DIS3L2: variants seen among roughly 807,000 people sequenced by gnomAD.
DIS3L2 encodes DIS3 like 3'-5' exoribonuclease 2, also known as DIS3-like exonuclease 2.
In DIS3L2, 34 loss-of-function variants were observed where a neutral mutation model predicts 97.5. That is an observed-to-expected ratio of 0.35 (90% CI 0.27 to 0.46). The LOEUF (loss-of-function observed/expected upper bound fraction) is 0.46, where lower values mean the gene tolerates loss of function less well. Ranked by LOEUF, DIS3L2 falls within the 20% of genes least tolerant of loss-of-function variation. DIS3L2 has a pLI of 1.00. For missense variants in DIS3L2, 1,038 were observed against 1,146.0 expected, an observed-to-expected ratio of 0.91 and a Z score of 1.36; for synonymous variants, 435 against 445.2, an observed-to-expected ratio of 0.98 and a Z score of 0.29.
At chr2:232,197,146 G>C (rs1691777556) in intron 9 of DIS3L2, among the ~76,000 whole-genome samples, 1 of 152,130 alleles carries the variant, frequency 6.6e-6, no homozygotes, top group Non-Finnish European at 1.5e-5. Flanking sequence ...TAGAAATCTA[G>C]GAGAGATGTC....
chr2:232,203,267 T>G (rs951152851), intron 9 of DIS3L2, among the ~76,000 whole-genome samples: 3 of 152,148 alleles, frequency 2.0e-5, no homozygotes, highest in African/African-American at 7.2e-5. Flanking sequence ...CCAGAATTGC[T>G]TGCTAGCACG....
rs1694646305 is a variant in DIS3L2, at chr2:232,293,216, TGA to T, written c.1660-6820_1660-6819del. On this transcript the variant is annotated intron_variant, in intron 13 of 20. Transcript: ENST00000325385. This position sits in a 1 kb window ranked among gnomAD's most constrained non-coding sequence, Gnocchi z 4.6. ...TGACAAGATGGCAACACCTGAACAC[TGA>T]GAGTGTCTGAGCCACAGCTGGTCAT... Among the ~76,000 whole-genome samples the T allele has an allele frequency of 6.6e-6, 1 of 152,110 alleles. No individual in the cohort carries two copies. Among genetic ancestry groups the T allele is most frequent in the East Asian group, 1.9e-4 (1 of 5,160 alleles).
intron 8 of DIS3L2, among the ~76,000 whole-genome samples, chr2:232,140,587 A>G (rs1179926123): frequency 6.6e-6 from 1 of 152,220 alleles, no homozygotes; most frequent in Non-Finnish European, 1.5e-5. Context: ...GAGAACGCCA[A>G]ATTGAGAAGG....
intron 8 of DIS3L2, among the ~76,000 whole-genome samples, chr2:232,160,285 T>G (rs537200263): frequency 1.4e-3 from 217 of 152,342 alleles, no homozygotes; most frequent in African/African-American, 5.0e-3. Context: ...GAATTCAGTT[T>G]CTTTAATAGA....
chr2:232,213,544 T>C (rs1287978783), intron 10 of DIS3L2, among the ~76,000 whole-genome samples: 3 of 152,042 alleles, frequency 2.0e-5, no homozygotes, highest in Non-Finnish European at 4.4e-5. Flanking sequence ...TGGGGTGAGG[T>C]TGGCTAAGTT....
At chr2:232,222,437 C>G (rs544810687) in intron 10 of DIS3L2, among the ~76,000 whole-genome samples, 1 of 152,104 alleles carries the variant, frequency 6.6e-6, no homozygotes, top group African/African-American at 2.4e-5. Flanking sequence ...TAAGGAAATG[C>G]ATGTCTTCTT....
At chr2:232,197,689 C>T (rs1691790864) in intron 9 of DIS3L2, among the ~76,000 whole-genome samples, 1 of 152,130 alleles carries the variant, frequency 6.6e-6, no homozygotes, top group Non-Finnish European at 1.5e-5. Flanking sequence ...GGAATTCTGG[C>T]TGGGCGCGGT....
chr2:232,200,289 A>G (rs1301332710), intron 9 of DIS3L2, among the ~76,000 whole-genome samples: 1 of 152,190 alleles, frequency 6.6e-6, no homozygotes, highest in African/African-American at 2.4e-5. Flanking sequence ...AATATTAACA[A>G]TTTCATGTGA....
rs187714881 is a variant in DIS3L2, at chr2:232,030,956, G to A, written c.366+876G>A. 3.3e-5 allele frequency among the ~76,000 whole-genome samples: 5 copies of A among 151,950 alleles called. No homozygotes were observed. In the South Asian group the frequency reaches 1.0e-3, roughly 32 times the overall value. On this transcript the variant is annotated intron_variant, in intron 5 of 20. Transcript: ENST00000325385. The stretch of plus-strand genomic sequence containing the variant: ...AATTTGGTGTCTTCTTCAATAATAC[G>A]TGTTATAGAGTAGTGACTAAAAGTA...
At chr2:232,261,793 A>G (rs1471443834) in intron 12 of DIS3L2, among the ~76,000 whole-genome samples, 1 of 152,172 alleles carries the variant, frequency 6.6e-6, no homozygotes, top group Non-Finnish European at 1.5e-5. Flanking sequence ...TGCGGTTTAG[A>G]GAGACTCTAG....
intron 5 of DIS3L2, among the ~76,000 whole-genome samples, chr2:232,053,212 T>A (rs910798893): frequency 2.6e-5 from 4 of 152,252 alleles, no homozygotes; most frequent in Admixed American, 2.6e-4. Flanking sequence ...TTATACAACA[T>A]CTAAACTTCA....
intron 9 of DIS3L2, among the ~76,000 whole-genome samples, chr2:232,205,011 T>C (rs1691990412): frequency 6.6e-6 from 1 of 152,004 alleles, no homozygotes; most frequent in Non-Finnish European, 1.5e-5. Context: ...AAGCTTGGAG[T>C]CTGCTGCTAC....
At chr2:231,968,523 G>C (rs1313758297) in intron 1 of DIS3L2, among the ~76,000 whole-genome samples, 1 of 152,192 alleles carries the variant, frequency 6.6e-6, no homozygotes, top group Non-Finnish European at 1.5e-5. Flanking sequence ...CATCCCTGTT[G>C]TTAAGTGTAT....
intron 7 of DIS3L2, among the ~76,000 whole-genome samples, chr2:232,133,104 A>T (rs2106352239): frequency 6.6e-6 from 1 of 152,164 alleles, no homozygotes; most frequent in African/African-American, 2.4e-5. Context: ...TCCCTCTCCC[A>T]CTCAGAAACA....
At chr2:232,013,013 C>G (rs1198956021) in intron 1 of DIS3L2, among the ~76,000 whole-genome samples, 1 of 152,202 alleles carries the variant, frequency 6.6e-6, no homozygotes, top group East Asian at 1.9e-4. Context: ...AATTCATCAT[C>G]TTCTCTAACT....
chr2:232,067,866 T>C (rs1467044057), intron 5 of DIS3L2, among the ~76,000 whole-genome samples: 1 of 152,252 alleles, frequency 6.6e-6, no homozygotes, highest in African/African-American at 2.4e-5. Context: ...TTCCTCTTTT[T>C]CCCTGGTAAT....
intron 2 of DIS3L2, 49 bp downstream of exon 2, chr2:232,015,028 G>C (rs1178894886): frequency 6.2e-6 from 10 of 1,601,442 alleles, no homozygotes; most frequent in Non-Finnish European, 8.5e-6. Flanking sequence ...GAACTGAAAT[G>C]AAAGTGGAAT....
intron 9 of DIS3L2, among the ~76,000 whole-genome samples, chr2:232,176,755 T>G (rs1479840485): frequency 1.1e-3 from 1 of 926 alleles, no homozygotes; most frequent in Non-Finnish European, 1.6e-3. Flanking sequence ...TGCCCGGCTA[T>G]TTTTTTTTAA....
intron 5 of DIS3L2, among the ~76,000 whole-genome samples, chr2:232,033,083 G>A (rs1044153824): frequency 3.9e-5 from 6 of 152,272 alleles, no homozygotes; most frequent in African/African-American, 1.4e-4. Flanking sequence ...GGGCACTATG[G>A]CCATTTTCAC....
Sources: gnomAD v4.1 joint callset for allele counts (sites outside exome capture counted in the v4.1 genomes callset) on GRCh38, gnomAD v4.1.1 for gene constraint, Gnocchi (gnomAD v3.1) non-coding constraint, MANE v1.5 for transcripts, NCBI Gene and HGNC (gene_info 2026-07-23, HGNC 2026-07-21) for gene names.